SENP7: variants seen among roughly 807,000 people sequenced by gnomAD.
The protein encoded by SENP7 is sentrin-specific protease 7.
In SENP7, 64 loss-of-function variants were observed where a neutral mutation model predicts 141.2. The ratio of observed to expected loss-of-function variants is 0.45; its 90% CI spans 0.37 to 0.56. The LOEUF (loss-of-function observed/expected upper bound fraction) is 0.56. SENP7 is among the 20% of genes least tolerant of loss of function. The probability of loss-of-function intolerance (pLI) is 0.00; values close to 1 mark genes in which losing one functional copy is unlikely to be tolerated. For missense variants in SENP7, 1,025 were observed against 1,212.2 expected (o/e 0.85, Z 2.29); for synonymous variants, 382 against 426.4 (o/e 0.90, Z 1.28).
Position 101,421,990 on chromosome 3 carries a change from C to A in SENP7, c.285-4200G>T, listed in dbSNP as rs574185603. The stretch of plus-strand genomic sequence containing the variant: ...CGTTAAAGCAGGGGTCCCCAGCCCC[C>A]AGACTGCCTTGTACCAGTCTGTGGT... On this transcript the variant is annotated intron_variant, in intron 4 of 23. Transcript: ENST00000394095. Among the ~76,000 whole-genome samples, 73 of 152,268 alleles carry A rather than the reference C, an allele frequency of 4.8e-4. 1 individual carries two copies. In the South Asian group the frequency reaches 0.015, roughly 31 times the overall value.
chr3:101,374,994 AT>A (rs1285044570), intron 6 of SENP7, among the ~76,000 whole-genome samples: 1 of 152,182 alleles, frequency 6.6e-6, no homozygotes, highest in Non-Finnish European at 1.5e-5. Context: ...CAAATGGCCA[AT>A]TAGCATGAAA....
Position 101,341,692 on chromosome 3 carries a change from G to T in SENP7, c.2194C>A (p.Pro732Thr), listed in dbSNP as rs35151705. ...CTGACTTCTCGCCATTCTTCATCTG[G>T]ATTAGATGTAATAGAAAGGGAGTAG... ...GCYSLSITSN[P>T]DEEWREVRHT... Residue 732 changes from proline (P) to threonine (T), a missense_variant, in exon 15 of 24, where the codon CCA becomes ACA. Physicochemically the swap from Pro to Thr is conservative, Grantham distance 38 (BLOSUM62 -1). Around this residue, in one of 4 missense-constraint regions of SENP7, gnomAD observed 295 missense variants for 459.1 expected, o/e 0.64. Coordinates refer to ENST00000394095, the MANE Select transcript of SENP7 (RefSeq NM_020654.5). 1 of 1,611,074 alleles carries T rather than the reference G, an allele frequency of 6.2e-7. No homozygotes were observed. The highest frequency in any genetic ancestry group is 8.5e-7 in the Non-Finnish European group (1 of 1,177,856).
At chr3:101,378,783 TAAA>T (rs1043667903) in intron 6 of SENP7, among the ~76,000 whole-genome samples, 2 of 151,854 alleles carry the variant, frequency 1.3e-5, no homozygotes, top group African/African-American at 4.8e-5. Context: ...ATCAAAGATT[TAAA>T]AACAGTTAAT....
intron 12 of SENP7, among the ~76,000 whole-genome samples, chr3:101,351,250 C>T (rs1405975441): frequency 3.3e-5 from 5 of 151,958 alleles, no homozygotes; most frequent in African/African-American, 4.8e-5. Context: ...AATTGTATAA[C>T]ATTCTCTTAC....
chr3:101,498,743 G>A (rs1050003965), intron 2 of SENP7, among the ~76,000 whole-genome samples: 7 of 152,150 alleles, frequency 4.6e-5, no homozygotes, highest in Non-Finnish European at 7.4e-5. Context: ...AGCAGGAGGC[G>A]AGCAGCACGG....
Position 101,341,632 on chromosome 3 carries a change from A to G in SENP7, c.2240+14T>C, listed in dbSNP as rs374545147. The G allele has an allele frequency of 4.1e-5, 64 of 1,557,790 alleles. No individual in the cohort carries two copies. Among genetic ancestry groups the G allele is most frequent in the Non-Finnish European group, 5.3e-5 (60 of 1,141,270 alleles). ...TATGCCCATCTACTACAAACATGCT[A>G]TGACAGTACATACTTCTGAACAAGT... On this transcript the variant is annotated intron_variant, in intron 15 of 23. Coordinates refer to ENST00000394095, the MANE Select transcript of SENP7 (RefSeq NM_020654.5).
intron 4 of SENP7, among the ~76,000 whole-genome samples, chr3:101,430,454 G>C (rs1477437475): frequency 6.6e-6 from 1 of 152,160 alleles, no homozygotes; most frequent in Non-Finnish European, 1.5e-5. Flanking sequence ...ATTTCTTCTA[G>C]ATTTTCTAGT....
intron 6 of SENP7, among the ~76,000 whole-genome samples, chr3:101,379,412 G>A (rs2060431516): frequency 6.6e-6 from 1 of 152,070 alleles, no homozygotes; most frequent in African/African-American, 2.4e-5. Flanking sequence ...GCAACCCACA[G>A]AATGAGACGA....
intron 10 of SENP7, 34 bp from the exon 11 acceptor site, chr3:101,361,895 T>C (rs1559718309): frequency 1.9e-6 from 3 of 1,561,934 alleles, no homozygotes; most frequent in Non-Finnish European, 2.6e-6. Flanking sequence ...TGCATATAAT[T>C]CTTAAGTACT....
intron 4 of SENP7, among the ~76,000 whole-genome samples, chr3:101,428,914 G>T (rs1576320888): frequency 6.6e-6 from 1 of 152,306 alleles, no homozygotes; most frequent in South Asian, 2.1e-4. Context: ...CATATGGCTA[G>T]CCAGTTTACA....
intron 2 of SENP7, among the ~76,000 whole-genome samples, chr3:101,499,535 AT>A (rs55855998): frequency 0.41 from 57,572 of 138,742 alleles, 11,952 homozygotes; most frequent in Admixed American, 0.55. Context: ...TGCCCAGCTA[AT>A]TTTTTTTTTT....
chr3:101,492,575 A>G (rs2108102723), intron 3 of SENP7, among the ~76,000 whole-genome samples: 1 of 152,250 alleles, frequency 6.6e-6, no homozygotes, highest in South Asian at 2.1e-4. Flanking sequence ...TGGAGTCCCA[A>G]TCCAATAGGA....
intron 3 of SENP7, among the ~76,000 whole-genome samples, chr3:101,465,920 C>T (rs1358320719): frequency 4.0e-5 from 6 of 151,800 alleles, no homozygotes; most frequent in African/African-American, 1.2e-4. Flanking sequence ...TTTATGATCT[C>T]GATTAGAAAT....
chr3:101,380,062 T>A (rs2060451413), intron 6 of SENP7, among the ~76,000 whole-genome samples: 1 of 152,132 alleles, frequency 6.6e-6, no homozygotes, highest in Non-Finnish European at 1.5e-5. Flanking sequence ...GCGAGATAAG[T>A]CAGTTAGCAA....
intron 4 of SENP7, among the ~76,000 whole-genome samples, chr3:101,421,302 CA>C (rs1166681825): frequency 6.6e-6 from 1 of 150,968 alleles, no homozygotes; most frequent in African/African-American, 2.4e-5. Flanking sequence ...GCAAATGTGC[CA>C]AAATGTTTAA....
At chr3:101,432,661 C>T (rs2062229157) in intron 4 of SENP7, among the ~76,000 whole-genome samples, 1 of 152,142 alleles carries the variant, frequency 6.6e-6, no homozygotes, top group East Asian at 1.9e-4. Flanking sequence ...GAGAATTCTC[C>T]CAGTTCTTGT....
intron 13 of SENP7, 70 bp downstream of exon 13, chr3:101,347,802 T>C: frequency 1.4e-6 from 1 of 711,108 alleles, no homozygotes; most frequent in Non-Finnish European, 2.1e-6. Context: ...TTCTATTAAA[T>C]TATTTTAGGA....
At chr3:101,351,857 A>C (rs2059623110) in intron 11 of SENP7, among the ~76,000 whole-genome samples, 1 of 152,008 alleles carries the variant, frequency 6.6e-6, no homozygotes, top group Non-Finnish European at 1.5e-5. Flanking sequence ...TTTAATTCTC[A>C]ATATGCTCAT....
At chr3:101,480,983 T>G (rs1248610866) in intron 3 of SENP7, among the ~76,000 whole-genome samples, 2 of 147,894 alleles carry the variant, frequency 1.4e-5, no homozygotes, top group Non-Finnish European at 3.0e-5. Flanking sequence ...AAACAGATGC[T>G]GGTGAGGATG....
Sources: allele counts gnomAD v4.1 joint callset (sites outside exome capture counted in the v4.1 genomes callset), GRCh38; gene constraint gnomAD v4.1.1; regional missense constraint gnomAD v4.1.1; transcripts MANE v1.5; gene names NCBI Gene and HGNC (gene_info 2026-07-23, HGNC 2026-07-21).